The following RBM6 variants were observed in gnomAD, a reference collection of about 807,000 sequenced individuals.
RBM6 encodes the protein RNA-binding protein 6.
Under a neutral mutation model 140.4 loss-of-function variants are expected in RBM6, and 23 were observed. The ratio of observed to expected loss-of-function variants is 0.16; its 90% CI spans 0.12 to 0.23. The LOEUF (loss-of-function observed/expected upper bound fraction) is 0.23. Among genes scored for constraint, RBM6 ranks in the 10% least tolerant of loss-of-function variants. RBM6 has a pLI of 1.00. For missense variants in RBM6, 1,139 were observed against 1,386.7 expected, an observed-to-expected ratio of 0.82 and a Z score of 2.84; for synonymous variants, 439 against 475.6, an observed-to-expected ratio of 0.92 and a Z score of 1.00.
intron 1 of RBM6, among the ~76,000 whole-genome samples, chr3:49,955,020 A>T (rs1221202226): frequency 6.6e-6 from 1 of 152,042 alleles, no homozygotes; most frequent in Non-Finnish European, 1.5e-5. Flanking sequence ...AGGCCTCCCA[A>T]AGTGCTGGGA....
chr3:50,042,951 C>T (rs1230959825), intron 6 of RBM6, among the ~76,000 whole-genome samples: 1 of 152,066 alleles, frequency 6.6e-6, no homozygotes, highest in African/African-American at 2.4e-5. Flanking sequence ...AGAGTTTGCT[C>T]CTCTGTGGTG....
At chr3:49,994,716 T>G (rs2085997596) in intron 5 of RBM6, among the ~76,000 whole-genome samples, 1 of 136,178 alleles carries the variant, frequency 7.3e-6, no homozygotes, top group Admixed American at 7.3e-5. Flanking sequence ...AAGATAGCAG[T>G]AAAATAAACT....
intron 16 of RBM6, chr3:50,065,636 T>G: frequency 2.2e-6 from 1 of 457,068 alleles, no homozygotes; most frequent in Non-Finnish European, 4.4e-6. Flanking sequence ...AATGCAGGTA[T>G]ATAACAATAG....
At chr3:50,007,362 A>G (rs187684781) in intron 6 of RBM6, among the ~76,000 whole-genome samples, 61 of 150,882 alleles carry the variant, frequency 4.0e-4, no homozygotes, top group African/African-American at 1.3e-3. Flanking sequence ...CTAATTTTGT[A>G]TTTTTGTAGA....
rs2084595111 is a variant in RBM6, at chr3:49,968,174, G to C, written c.749G>C (p.Arg250Thr). The change falls in exon 3 of 21, where the codon AGG becomes ACG. Residue 250 changes from arginine to threonine, a missense_variant. By Grantham distance (71) the Arg-to-Thr change is moderately conservative. Coordinates refer to ENST00000266022, the MANE Select transcript of RBM6 (RefSeq NM_005777.3). ...SGTTDLDFRD[R>T]DTPHSDFRGR... ...ACTACTGATCTAGACTTTAGGGACA[G>C]GGATACGCCACATTCAGATTTCAGA... 6.2e-7 allele frequency: 1 copy of C among 1,614,178 alleles called. No individual in the cohort carries two copies. Among genetic ancestry groups the C allele is most frequent in the Non-Finnish European group, 8.5e-7 (1 of 1,180,042 alleles).
chr3:49,997,929 A>AT, intron 5 of RBM6, among the ~76,000 whole-genome samples: 1 of 152,184 alleles, frequency 6.6e-6, no homozygotes, highest in East Asian at 1.9e-4. Flanking sequence ...GAGGAGACTG[A>AT]TTTTGTGGTA....
At chr3:49,944,248 T>G (rs754991280) in intron 1 of RBM6, among the ~76,000 whole-genome samples, 21 of 152,190 alleles carry the variant, frequency 1.4e-4, no homozygotes, top group Non-Finnish European at 2.9e-4. Flanking sequence ...TCATATAATA[T>G]TTGATCTTTT....
intron 11 of RBM6, 22 bp downstream of exon 11, chr3:50,059,768 CTCTTGTGCTGCCCCCACTTGTGTTT>C: frequency 6.3e-7 from 1 of 1,583,936 alleles, no homozygotes; most frequent in Non-Finnish European, 8.7e-7. Flanking sequence ...GGGTGAGGAT[CTCTTGTGCTGCCCCCACTTGTGTTT>C]TTGAGAGGAA....
chr3:50,019,963 G>A (rs1423406592), intron 6 of RBM6, among the ~76,000 whole-genome samples: 1 of 151,086 alleles, frequency 6.6e-6, no homozygotes, highest in African/African-American at 2.4e-5. Context: ...CTGTTGCCCA[G>A]GCTAGAGTGC....
chr3:50,034,995 CCCTCTCCTCT>C (rs58547431), intron 6 of RBM6, among the ~76,000 whole-genome samples: 1 of 126,752 alleles, frequency 7.9e-6, no homozygotes, highest in Non-Finnish European at 1.6e-5. Context: ...CTCTCCTCTT[CCCTCTCCTCT>C]CCTCTCCTCT....
rs187136875 is a variant in RBM6 at position 49,949,434 on chromosome 3, C to T, written c.-67+9209C>T. Among the ~76,000 whole-genome samples, 8 of 152,104 alleles carry T rather than the reference C, an allele frequency of 5.3e-5. No individual in the cohort carries two copies. The South Asian group carries it at 6.2e-4, about 12-fold the overall frequency. The stretch of plus-strand genomic sequence containing the variant: ...TTGAGACGGAGTCTCACTCTGTCCC[C>T]GAGGCTGGAGTGCAGTGGTGTGATC... On this transcript the variant is annotated intron_variant, in intron 1 of 20. Transcript: ENST00000266022.
At position 49,968,351 on chromosome 3, in the gene RBM6, A is replaced by G; in HGVS notation, c.926A>G (p.Asn309Ser). The G allele has an allele frequency of 6.2e-7, 1 of 1,614,226 alleles. No individual in the cohort carries two copies. Among genetic ancestry groups the G allele is most frequent in the African/African-American group, 1.3e-5 (1 of 75,062 alleles). The change falls in exon 3 of 21, where the codon AAT becomes AGT. Residue 309 changes from asparagine (N) to serine (S), a missense_variant. This residue lies in a region of RBM6 where 566 missense variants were observed against 612.7 expected (regional missense o/e 0.92). Transcript: ENST00000266022. ...CAAGATAGAGAACATTCTGGTATGA[A>G]TGTGAACAGGAGAGAAGAATCCACA... ...STQDREHSGM[N>S]VNRREESTHD...
chr3:50,030,144 C>T (rs986798876), intron 6 of RBM6, among the ~76,000 whole-genome samples: 1 of 151,106 alleles, frequency 6.6e-6, no homozygotes, highest in East Asian at 1.9e-4. Context: ...CATGGGGGCA[C>T]GTGCCTGTAG....
At position 50,075,242 on chromosome 3, in the gene RBM6, G is replaced by A. The variant is rs1254769882; in HGVS notation, c.3158G>A (p.Ser1053Asn). The A allele has an allele frequency of 1.2e-6, 2 of 1,614,016 alleles. No homozygotes were observed. The highest frequency in any genetic ancestry group is 1.7e-5 in the Admixed American group (1 of 59,980). The change falls in exon 20 of 21, where the codon AGC becomes AAC. Residue 1053 changes from serine (S) to asparagine (N), a missense_variant. By Grantham distance (46) the Ser-to-Asn change is conservative. Coordinates refer to ENST00000266022, the MANE Select transcript of RBM6 (RefSeq NM_005777.3). ...LVDKEDIDTS[S>N]KGGCVQQATG... Reference sequence around the variant, plus strand: ...GATAAAGAAGATATCGACACTAGCAGCAAAGGAGGCTGTGTCCAACAGGCT... The same window carrying A: ...GATAAAGAAGATATCGACACTAGCAACAAAGGAGGCTGTGTCCAACAGGCT...
intron 1 of RBM6, among the ~76,000 whole-genome samples, chr3:49,949,709 T>C (rs1048311156): frequency 3.9e-5 from 6 of 151,926 alleles, no homozygotes; most frequent in Middle Eastern, 3.2e-3. Flanking sequence ...GAGAAAAGGT[T>C]TCACCGTCTT....
chr3:49,970,239 C>A (rs566600958), intron 3 of RBM6, among the ~76,000 whole-genome samples: 147 of 152,214 alleles, frequency 9.7e-4, no homozygotes, highest in Non-Finnish European at 1.6e-3. Flanking sequence ...CCATGCCTGG[C>A]CAGCAATTTT....
chr3:49,946,906 G>A (rs1337450299), intron 1 of RBM6, among the ~76,000 whole-genome samples: 1 of 150,896 alleles, frequency 6.6e-6, no homozygotes, highest in Non-Finnish European at 1.5e-5. Flanking sequence ...TCTTATTGTG[G>A]TTTCTGATTT....
rs142264441 is a variant in RBM6, at chr3:49,983,080, A to G, written c.1483+7688A>G. On this transcript the variant is annotated intron_variant, in intron 5 of 20. Transcript: ENST00000266022. ...GGCTGGTCTTACACTCCAAGGCTCA[A>G]GCAATCCTCCTGCCTTGGACTCCCA... Among the ~76,000 whole-genome samples the G allele has an allele frequency of 9.1e-4, 138 of 152,306 alleles. 1 individual carries two copies. Among genetic ancestry groups the G allele is most frequent in the African/African-American group, 3.1e-3 (129 of 41,564 alleles).
intron 20 of RBM6, among the ~76,000 whole-genome samples, chr3:50,076,672 G>A (rs933484258): frequency 6.6e-6 from 1 of 151,940 alleles, no homozygotes; most frequent in Non-Finnish European, 1.5e-5. Context: ...GATCACTTGA[G>A]GCCAGGAGTT....
Sources: gnomAD v4.1 joint callset for allele counts (sites outside exome capture counted in the v4.1 genomes callset) on GRCh38, gnomAD v4.1.1 for gene constraint, gnomAD v4.1.1 regional missense constraint, MANE v1.5 for transcripts, NCBI Gene and HGNC (gene_info 2026-07-23, HGNC 2026-07-21) for gene names.